Variants in MECOM observed in about 807,000 individuals in gnomAD.
MECOM encodes MDS1 and EVI1 complex locus, also known as histone-lysine N-methyltransferase MECOM.
MECOM carries 13 observed loss-of-function variants against 116.3 expected under a neutral mutation model. The observed-to-expected ratio is 0.11, with a 90% CI of 0.07 to 0.18. MECOM has a LOEUF of 0.18. Among genes scored for constraint, MECOM ranks in the 10% least tolerant of loss-of-function variants. The pLI, the probability that MECOM is intolerant of heterozygous loss-of-function variation, is 1.00. For missense variants in MECOM, 1,299 were observed against 1,509.0 expected (o/e 0.86, Z 2.31); for synonymous variants, 528 against 535.2 (o/e 0.99, Z 0.19).
At chr3:169,321,487 G>A (rs1720847114) in intron 2 of MECOM, among the ~76,000 whole-genome samples, 1 of 152,068 alleles carries the variant, frequency 6.6e-6, no homozygotes, top group Non-Finnish European at 1.5e-5. Context: ...GTTGCAGTGA[G>A]CTGAGATTGC....
chr3:169,461,000 G>A (rs1298343616), intron 1 of MECOM, among the ~76,000 whole-genome samples: 1 of 152,098 alleles, frequency 6.6e-6, no homozygotes, highest in Admixed American at 6.6e-5. Context: ...TTGCCTTCCT[G>A]TTCCTTCTCA....
intron 8 of MECOM, among the ~76,000 whole-genome samples, chr3:169,114,394 TAGA>T (rs1180939018): frequency 2.0e-5 from 3 of 152,166 alleles, no homozygotes; most frequent in Admixed American, 6.6e-5. Context: ...ATAATATACA[TAGA>T]AGAAGAATTG....
chr3:169,240,932 G>A (rs1029372239), intron 2 of MECOM, among the ~76,000 whole-genome samples: 53 of 152,114 alleles, frequency 3.5e-4, no homozygotes, highest in Non-Finnish European at 3.1e-4. Flanking sequence ...AAATTGTAAT[G>A]CCCTCTCCGT....
intron 4 of MECOM, among the ~76,000 whole-genome samples, chr3:169,130,507 G>C (rs1383143902): frequency 8.5e-6 from 1 of 118,334 alleles, no homozygotes; most frequent in Non-Finnish European, 1.6e-5. Context: ...AACTACTCTT[G>C]TATAACCTAC....
rs1770926931 is a variant in MECOM at position 169,622,915 on chromosome 3, T to C, written c.37+40421A>G. On this transcript the variant is annotated intron_variant, in intron 1 of 16. Transcript: ENST00000651503. ...AAATAAATTCCACCTCACAATCTTTTCCCAACTCAGCTCTGCTTTCAGGTT... is the reference window on the plus strand; with the variant it reads ...AAATAAATTCCACCTCACAATCTTTCCCCAACTCAGCTCTGCTTTCAGGTT... Among the ~76,000 whole-genome samples the C allele has an allele frequency of 6.6e-5, 10 of 152,304 alleles. No homozygotes were observed. The South Asian group carries it at 2.1e-3, about 32-fold the overall frequency.
At chr3:169,361,982 T>C (rs369162901) in intron 2 of MECOM, among the ~76,000 whole-genome samples, 1 of 151,876 alleles carries the variant, frequency 6.6e-6, no homozygotes, top group East Asian at 1.9e-4. Context: ...ACATATAAAA[T>C]GCAGAGAGAG....
At chr3:169,554,285 C>T (rs1028251184) in intron 1 of MECOM, among the ~76,000 whole-genome samples, 1 of 152,128 alleles carries the variant, frequency 6.6e-6, no homozygotes, top group Non-Finnish European at 1.5e-5. Context: ...TACATCAGAC[C>T]ACTATATGAG....
intron 1 of MECOM, among the ~76,000 whole-genome samples, chr3:169,462,909 G>T (rs1747696249): frequency 6.6e-6 from 1 of 152,006 alleles, no homozygotes; most frequent in African/African-American, 2.4e-5. Context: ...AAATTTTAAA[G>T]AACAACCTCA....
intron 2 of MECOM, among the ~76,000 whole-genome samples, chr3:169,302,045 T>A (rs1716813025): frequency 6.6e-6 from 1 of 152,190 alleles, no homozygotes; most frequent in African/African-American, 2.4e-5. Context: ...ATGATTGCTT[T>A]AAAATGTTCC....
chr3:169,290,620 A>C (rs1714354963), intron 2 of MECOM, among the ~76,000 whole-genome samples: 2 of 152,190 alleles, frequency 1.3e-5, no homozygotes, highest in African/African-American at 4.8e-5. Flanking sequence ...GATGCAAGTA[A>C]AGAGCTGTGC....
intron 2 of MECOM, among the ~76,000 whole-genome samples, chr3:169,312,015 A>G (rs999642134): frequency 6.6e-5 from 10 of 152,220 alleles, no homozygotes; most frequent in Admixed American, 3.3e-4. Flanking sequence ...ATGAGGTCAG[A>G]GAGGAGCTGG....
At chr3:169,213,802 G>A (rs946628798) in intron 2 of MECOM, among the ~76,000 whole-genome samples, 1 of 152,014 alleles carries the variant, frequency 6.6e-6, no homozygotes, top group Non-Finnish European at 1.5e-5. Context: ...TTGAAAGAAG[G>A]CCCTAAAACT....
intron 1 of MECOM, among the ~76,000 whole-genome samples, chr3:169,464,686 TA>T (rs1748004664): frequency 6.6e-6 from 1 of 152,122 alleles, no homozygotes; most frequent in South Asian, 2.1e-4. Context: ...TGTATCCCTT[TA>T]AACGGTATTT....
intron 2 of MECOM, among the ~76,000 whole-genome samples, chr3:169,178,228 G>A (rs1033098913): frequency 9.2e-5 from 14 of 152,196 alleles, no homozygotes; most frequent in African/African-American, 3.4e-4. Context: ...GGAACTGAGC[G>A]AAGAATGTAC....
chr3:169,587,869 G>GA (rs1006595531), intron 1 of MECOM, among the ~76,000 whole-genome samples: 19 of 146,982 alleles, frequency 1.3e-4, no homozygotes, highest in East Asian at 2.0e-4. Flanking sequence ...CACCTGCCAG[G>GA]AAAAAAAAAA....
intron 1 of MECOM, among the ~76,000 whole-genome samples, chr3:169,607,102 T>C (rs1234684391): frequency 6.6e-6 from 1 of 152,246 alleles, no homozygotes; most frequent in Admixed American, 6.5e-5. Flanking sequence ...AAAGTTTTAA[T>C]TTTTTAGATA....
At chr3:169,362,308 T>C (rs1728435509) in intron 2 of MECOM, among the ~76,000 whole-genome samples, 2 of 151,852 alleles carry the variant, frequency 1.3e-5, no homozygotes, top group Admixed American at 1.3e-4. Context: ...AGAGCAGGTG[T>C]AAGAGACAGA....
chr3:169,562,175 AG>A (rs1762733270), intron 1 of MECOM, among the ~76,000 whole-genome samples: 4 of 133,764 alleles, frequency 3.0e-5, no homozygotes, highest in African/African-American at 8.6e-5. Flanking sequence ...AAAGAAAGAA[AG>A]AAAAAAAAAA....
In MECOM at chr3:169,095,238, A is replaced by G; in HGVS notation, c.2857T>C (p.Tyr953His). The G allele has an allele frequency of 6.2e-7, 1 of 1,606,412 alleles. No homozygotes were observed. Among genetic ancestry groups the G allele is most frequent in the Non-Finnish European group, 8.5e-7 (1 of 1,177,048 alleles). Residue 953 changes from tyrosine (Y) to histidine (H), a missense_variant, in exon 13 of 17, where the codon TAC becomes CAC. Physicochemically the swap from Tyr to His is moderately conservative, Grantham distance 83. This residue lies in a region of MECOM where 32 missense variants were observed against 96.7 expected (regional missense o/e 0.33). Coordinates refer to ENST00000651503, the MANE Select transcript of MECOM (RefSeq NM_004991.4). ...GATATGCTAAATGATCTGTCACAGT[A>G]TTTGCATCTGAAAAATAAACAAAGA... is the stretch of plus-strand genomic sequence containing the variant. ...HTGEQPYRCK[Y>H]CDRSFSISSN... is the part of the protein sequence containing the mutation.
Sources: gnomAD v4.1 joint callset for allele counts (sites outside exome capture counted in the v4.1 genomes callset) on GRCh38, gnomAD v4.1.1 for gene constraint, gnomAD v4.1.1 regional missense constraint, MANE v1.5 for transcripts, NCBI Gene and HGNC (gene_info 2026-07-23, HGNC 2026-07-21) for gene names.